Variants in DOCK6 observed in about 807,000 individuals in gnomAD.
The protein encoded by DOCK6 is dedicator of cytokinesis protein 6.
DOCK6 carries 167 observed loss-of-function variants against 230.3 expected under a neutral mutation model. That is an observed-to-expected ratio of 0.73 (90% CI 0.64 to 0.82). The LOEUF is 0.82. Among genes scored for constraint, DOCK6 ranks in the 40% least tolerant of loss-of-function variants. The pLI is 0.00. For missense variants in DOCK6, 2,598 were observed against 2,825.8 expected (o/e 0.92, Z 1.83); for synonymous variants, 1,148 against 1,185.0 (o/e 0.97, Z 0.64).
chr19:11,200,577 C>T lies in DOCK6; in HGVS notation c.5940-108G>A. On this transcript the variant is annotated intron_variant, in intron 46 of 47. Coordinates refer to ENST00000294618, the MANE Select transcript of DOCK6 (RefSeq NM_020812.4). The surrounding 1 kb of genome is among the most constrained non-coding windows in gnomAD (Gnocchi z 4.3). ...GGGACCAGGCCTGCAGAAAGACCCG[C>T]AATAGGAGGTCAGGTTGGGAGAGTG... The T allele has an allele frequency of 2.0e-6, 3 of 1,521,722 alleles. No homozygotes were observed. The highest frequency in any genetic ancestry group is 1.2e-5 in the South Asian group (1 of 83,150). The allele number at this position is 1,521,722 out of a possible 1,614,324, so 94.3% of individuals were successfully genotyped here.
At chr19:11,208,871 A>G in intron 38 of DOCK6, 40 bp downstream of exon 38, 1 of 1,599,184 alleles carries the variant, frequency 6.3e-7, no homozygotes, top group South Asian at 1.1e-5. Flanking sequence ...TCCCCACTGC[A>G]CTCGTGCCGT....
At chr19:11,208,372 C>G (rs1050094378) in intron 39 of DOCK6, 109 of 195,032 alleles carry the variant, frequency 5.6e-4, no homozygotes, top group African/African-American at 2.5e-3. Flanking sequence ...CCTCTGCCTC[C>G]CTGGGTCAAG....
At chr19:11,251,792 T>A (rs898192297) in intron 5 of DOCK6, 3 of 261,740 alleles carry the variant, frequency 1.1e-5, no homozygotes, top group Non-Finnish European at 2.2e-5. Flanking sequence ...ATGGTTGGTA[T>A]ACAGTAGGTG....
Position 11,222,231 on chromosome 19 carries a change from G to A in DOCK6, c.3258C>T (p.Ser1086=). 6.2e-7 allele frequency: 1 copy of A among 1,601,640 alleles called. No homozygotes were observed. Among genetic ancestry groups the A allele is most frequent in the Admixed American group, 1.7e-5 (1 of 57,688 alleles). ...STTSQSSTFS[S]QAPDPKVTSM... ...TGGTCACCTTGGGGTCCGGGGCTTG[G>A]CTGGAGAAGGTGGAGCTCTGCAGAG... Residue 1086 remains serine, a synonymous_variant, in exon 27 of 48, where the codon AGC becomes AGT. Coordinates refer to ENST00000294618, the MANE Select transcript of DOCK6 (RefSeq NM_020812.4). This position sits in a 1 kb window ranked among gnomAD's most constrained non-coding sequence, Gnocchi z 4.0.
intron 1 of DOCK6, among the ~76,000 whole-genome samples, chr19:11,256,179 AT>A (rs1254669903): frequency 1.2e-4 from 19 of 152,108 alleles, no homozygotes. Context: ...GATGTGAAAA[AT>A]TAGGGCTTTT....
intron 14 of DOCK6, chr19:11,240,395 C>T: frequency 7.9e-7 from 1 of 1,263,614 alleles, no homozygotes; most frequent in Non-Finnish European, 1.1e-6. Flanking sequence ...ATCAGCCTCC[C>T]AGCTCTGTGG....
At chr19:11,212,753 C>T (rs961736347) in intron 35 of DOCK6, among the ~76,000 whole-genome samples, 13 of 150,482 alleles carry the variant, frequency 8.6e-5, no homozygotes, top group Non-Finnish European at 1.3e-4. Context: ...AGTAGAGATG[C>T]GGGGTTCCAT....
At position 11,214,288 on chromosome 19, in the gene DOCK6, G is replaced by C; in HGVS notation, c.4325C>G (p.Ala1442Gly). ...AGTGGTGCTCACCTTGGACACAAGG[G>C]CCCTCTGGGTGGCCAGGCCATGCTG... Reference protein sequence around the residue: ...FLQHGLATQRALVSKFPELLF... With the variant: ...FLQHGLATQRGLVSKFPELLF... The change falls in exon 34 of 48, where the codon GCC (alanine) becomes GGC (glycine). Residue 1442 changes from alanine (A) to glycine (G), a missense_variant. Coordinates refer to ENST00000294618, the MANE Select transcript of DOCK6 (RefSeq NM_020812.4). The C allele has an allele frequency of 6.2e-7, 1 of 1,611,452 alleles. No homozygotes were observed. The highest frequency in any genetic ancestry group is 1.1e-5 in the South Asian group (1 of 90,838).
rs545302357 is a variant in DOCK6 at position 11,244,162 on chromosome 19, T to TTATGTATG, written c.1024-288_1024-281dup. Among the ~76,000 whole-genome samples the TTATGTATG allele has an allele frequency of 2.5e-3, 382 of 152,188 alleles. 3 individuals are homozygous for TTATGTATG. The highest frequency in any genetic ancestry group is 8.4e-3 in the African/African-American group (350 of 41,488). ...CCTAAATTTACTTATTTATTTACATTTATGTATGTATGTATGTATGTATTA... is the reference window on the plus strand; with the variant it reads ...CCTAAATTTACTTATTTATTTACATTTATGTATGTATGTATGTATGTATGTATGTATTA... On this transcript the variant is annotated intron_variant, in intron 9 of 47. Transcript: ENST00000294618.
At position 11,250,927 on chromosome 19, in the gene DOCK6, G is replaced by A. The variant is rs376648777; in HGVS notation, c.667C>T (p.Arg223Ter). The change falls in exon 6 of 48, where the codon CGA (arginine) becomes TGA (stop). Residue 223 changes from arginine (R) to a stop codon, truncating the protein, a stop_gained. Coordinates refer to ENST00000294618, the MANE Select transcript of DOCK6 (RefSeq NM_020812.4). LOFTEE classifies it high-confidence loss of function. ...EDVDRRNETL[R>*]RQHRPPALLT... ...AGGGCCGGGGGCCGGTGCTGCCGTC[G>A]AAGGGTTTCATTGCGCCGGTCCACA... is the stretch of plus-strand genomic sequence containing the variant. 8 of 1,609,318 alleles carry A rather than the reference G, an allele frequency of 5.0e-6. No individual in the cohort carries two copies. The African/African-American group carries it at 6.7e-5, about 13-fold the overall frequency.
At chr19:11,247,935 C>T in intron 7 of DOCK6, 131 bp downstream of exon 7, 2 of 719,604 alleles carry the variant, frequency 2.8e-6, no homozygotes, top group East Asian at 5.5e-5. Context: ...CCCATAAAAG[C>T]CCATACATAG....
At position 11,200,199 on chromosome 19, in the gene DOCK6, A is replaced by T; in HGVS notation, c.6101+109T>A. The T allele has an allele frequency of 8.5e-7, 1 of 1,170,574 alleles. No homozygotes were observed. The highest frequency in any genetic ancestry group is 1.2e-6 in the Non-Finnish European group (1 of 860,228). 72.5% of individuals were successfully genotyped at this position (1,170,574 alleles called of 1,614,324 possible). A position where few individuals can be genotyped will look rare whatever the true frequency, so the allele number is the denominator to read the frequency against. The stretch of plus-strand genomic sequence containing the variant: ...GAAACAAAACAAAGTCCAAGCTACC[A>T]GCAAACATGTTGCTGTGTATGTGTA... On this transcript the variant is annotated intron_variant, in intron 47 of 47. Transcript: ENST00000294618. This position sits in a 1 kb window ranked among gnomAD's most constrained non-coding sequence, Gnocchi z 4.3.
At chr19:11,240,334 G>A in intron 14 of DOCK6, 1 of 1,499,664 alleles carries the variant, frequency 6.7e-7, no homozygotes, top group Non-Finnish European at 8.9e-7. Flanking sequence ...CTGAGACCCT[G>A]ATTTCCGGCC....
At chr19:11,252,085 C>A (rs754705028) in intron 5 of DOCK6, 34 bp downstream of exon 5, 2 of 1,576,246 alleles carry the variant, frequency 1.3e-6, no homozygotes, top group Non-Finnish European at 1.7e-6. Flanking sequence ...TCCACACATA[C>A]CCCTTCAGTG....
chr19:11,222,327 G>A lies in DOCK6; in HGVS notation c.3241-79C>T. The A allele has an allele frequency of 6.0e-6, 9 of 1,512,398 alleles. No homozygotes were observed. The highest frequency in any genetic ancestry group is 8.0e-6 in the Non-Finnish European group (9 of 1,119,612). 93.7% of individuals were successfully genotyped at this position (1,512,398 alleles called of 1,614,324 possible). A position where few individuals can be genotyped will look rare whatever the true frequency, so the allele number is the denominator to read the frequency against. On this transcript the variant is annotated intron_variant, in intron 26 of 47. Coordinates refer to ENST00000294618, the MANE Select transcript of DOCK6 (RefSeq NM_020812.4). This position sits in a 1 kb window ranked among gnomAD's most constrained non-coding sequence, Gnocchi z 4.0. ...AGGTCACCATTAAAGCCATCTTGGA[G>A]GTGACAGAAATCATGGTGCCAATAG...
intron 5 of DOCK6, chr19:11,251,901 T>C (rs1047050090): frequency 3.1e-6 from 2 of 642,036 alleles, no homozygotes; most frequent in African/African-American, 1.8e-5. Context: ...CCCTGACTCC[T>C]AGGATGAAAG....
chr19:11,216,132 C>T, intron 30 of DOCK6: 1 of 464,060 alleles, frequency 2.2e-6, no homozygotes, highest in Non-Finnish European at 3.7e-6. Context: ...CATTCTGTCG[C>T]CCAGGGTGAA....
intron 39 of DOCK6, among the ~76,000 whole-genome samples, chr19:11,205,187 G>A (rs1364905933): frequency 1.3e-5 from 2 of 152,164 alleles, no homozygotes; most frequent in East Asian, 3.8e-4. Flanking sequence ...TTCCCCTGAG[G>A]CTTTTGTGTG....
chr19:11,230,167 C>T (rs547533023), intron 22 of DOCK6, among the ~76,000 whole-genome samples: 16 of 151,798 alleles, frequency 1.1e-4, no homozygotes, highest in Non-Finnish European at 2.1e-4. Context: ...GGTGAAACCC[C>T]GTCTCTACTA....
Sources: allele counts gnomAD v4.1 joint callset (sites outside exome capture counted in the v4.1 genomes callset), GRCh38; gene constraint gnomAD v4.1.1; non-coding constraint Gnocchi (gnomAD v3.1); transcripts MANE v1.5; gene names NCBI Gene and HGNC (gene_info 2026-07-23, HGNC 2026-07-21).